The following ATG10 variants were observed in gnomAD, a reference collection of about 807,000 sequenced individuals.
The protein encoded by ATG10 is autophagy related 10.
A neutral mutation model predicts 32.1 loss-of-function variants in ATG10; 30 were observed. That is an observed-to-expected ratio of 0.94 (90% CI 0.70 to 1.27). ATG10 has a LOEUF of 1.27. ATG10 is among the 50% of genes most tolerant of loss of function. The pLI is 0.00. For synonymous variants in ATG10, 87 were observed against 91.5 expected (o/e 0.95, Z 0.28); for missense variants, 233 against 262.3 (o/e 0.89, Z 0.77).
At chr5:82,180,638 GA>G (rs1160080962) in intron 5 of ATG10, among the ~76,000 whole-genome samples, 2 of 152,116 alleles carry the variant, frequency 1.3e-5, no homozygotes, top group Non-Finnish European at 2.9e-5. Flanking sequence ...ACAAGACCCA[GA>G]AAATGTTTGG....
chr5:82,009,282 A>G (rs1318350807), intron 2 of ATG10, among the ~76,000 whole-genome samples: 1 of 152,158 alleles, frequency 6.6e-6, no homozygotes, highest in Admixed American at 6.5e-5. Context: ...CTTGCAGGCT[A>G]GGGAACCATT....
At chr5:82,197,551 T>C (rs1744908031) in intron 5 of ATG10, among the ~76,000 whole-genome samples, 1 of 152,080 alleles carries the variant, frequency 6.6e-6, no homozygotes, top group South Asian at 2.1e-4. Flanking sequence ...GAATATGACC[T>C]GTGCCTGTGT....
chr5:82,084,204 A>C (rs1764585037), intron 3 of ATG10, among the ~76,000 whole-genome samples: 1 of 152,236 alleles, frequency 6.6e-6, no homozygotes, highest in South Asian at 2.1e-4. Flanking sequence ...TCAGTAGCCA[A>C]TCTGATCAAG....
At position 82,197,459 on chromosome 5, in the gene ATG10, TCTACCTAC is replaced by T. The variant is rs10592620; in HGVS notation, c.453+18907_453+18914del. Among the ~76,000 whole-genome samples the T allele has an allele frequency of 4.0e-3, 595 of 148,692 alleles. 1 individual carries two copies. The highest frequency in any genetic ancestry group is 5.4e-3 in the South Asian group (25 of 4,608). ...ATCTATCTATCTATCTATCTGTCTA[TCTACCTAC>T]CTACCTACCTACCTACCTACCTACC... On this transcript the variant is annotated intron_variant, in intron 5 of 7. Coordinates refer to ENST00000282185, the MANE Select transcript of ATG10 (RefSeq NM_031482.5).
chr5:82,040,911 T>C (rs1181793383), intron 2 of ATG10, among the ~76,000 whole-genome samples: 1 of 152,220 alleles, frequency 6.6e-6, no homozygotes, highest in East Asian at 1.9e-4. Flanking sequence ...CACAGGACCT[T>C]TGCAAAGTTA....
intron 3 of ATG10, among the ~76,000 whole-genome samples, chr5:82,108,926 G>A (rs1013421356): frequency 6.6e-6 from 1 of 151,982 alleles, no homozygotes; most frequent in East Asian, 1.9e-4. Context: ...TGGCATGTCA[G>A]ATTTGAGATC....
chr5:81,973,319 G>C (rs1352741743), intron 1 of ATG10: 1 of 152,126 alleles, frequency 6.6e-6, no homozygotes, highest in Non-Finnish European at 1.5e-5. Flanking sequence ...TAGTAGAGAC[G>C]GGGTTTCACC....
chr5:82,106,886 T>C (rs1765459620), intron 3 of ATG10, among the ~76,000 whole-genome samples: 1 of 151,946 alleles, frequency 6.6e-6, no homozygotes, highest in Admixed American at 6.6e-5. Flanking sequence ...GTCAGTGTAC[T>C]GTGGTATCCG....
chr5:82,172,075 T>C (rs1743828861), intron 4 of ATG10, among the ~76,000 whole-genome samples: 1 of 152,148 alleles, frequency 6.6e-6, no homozygotes, highest in African/African-American at 2.4e-5. Context: ...TGGCTGGACA[T>C]GGGATTTGTC....
chr5:82,100,461 G>C (rs1444842031), intron 3 of ATG10, among the ~76,000 whole-genome samples: 2 of 152,114 alleles, frequency 1.3e-5, no homozygotes, highest in East Asian at 3.8e-4. Flanking sequence ...TGGGGAAGGT[G>C]GCTTCCTGAG....
intron 5 of ATG10, among the ~76,000 whole-genome samples, chr5:82,229,152 A>G (rs899588829): frequency 6.6e-6 from 1 of 152,156 alleles, no homozygotes; most frequent in Non-Finnish European, 1.5e-5. Flanking sequence ...GAAACGAGCT[A>G]TTTCTGAGTG....
chr5:82,016,398 G>A (rs555124279), intron 2 of ATG10, among the ~76,000 whole-genome samples: 3 of 152,192 alleles, frequency 2.0e-5, no homozygotes, highest in Admixed American at 1.3e-4. Context: ...CTAAGTATTT[G>A]GCTTTATTTC....
At chr5:82,042,477 C>A (rs182847591) in intron 2 of ATG10, among the ~76,000 whole-genome samples, 2 of 152,276 alleles carry the variant, frequency 1.3e-5, no homozygotes, top group African/African-American at 4.8e-5. Context: ...GTCCTTCTCA[C>A]ATTGCAAAAT....
chr5:82,077,764 C>T (rs966092057), intron 3 of ATG10, among the ~76,000 whole-genome samples: 3 of 152,140 alleles, frequency 2.0e-5, no homozygotes, highest in African/African-American at 7.2e-5. Flanking sequence ...GTCTGTGGCA[C>T]TTCGTTCTGA....
chr5:82,015,249 T>G (rs1183272257), intron 2 of ATG10, among the ~76,000 whole-genome samples: 1 of 152,236 alleles, frequency 6.6e-6, no homozygotes, highest in Non-Finnish European at 1.5e-5. Context: ...TCTGTCTGGC[T>G]GCCCTTAATA....
At position 82,256,038 on chromosome 5, in the gene ATG10, T is replaced by C. The variant is rs537150240; in HGVS notation, c.*1975T>C. 3 of 152,290 alleles carry C rather than the reference T, an allele frequency of 2.0e-5. No individual in the cohort carries two copies. In the South Asian group the frequency reaches 6.2e-4, roughly 32 times the overall value. The allele number at this position is 152,290 out of a possible 1,614,324, so 9.4% of individuals were successfully genotyped here. ...TGTTTTCAACTTCTGTGAGGGATTTTCCCCCCAATCTCCCTAATGTAAACA... is the reference window on the plus strand; with the variant it reads ...TGTTTTCAACTTCTGTGAGGGATTTCCCCCCCAATCTCCCTAATGTAAACA... On this transcript the variant is annotated 3_prime_UTR_variant, in exon 8 of 8. Coordinates refer to ENST00000282185, the MANE Select transcript of ATG10 (RefSeq NM_031482.5).
At chr5:82,004,325 C>G (rs1178449900) in intron 2 of ATG10, among the ~76,000 whole-genome samples, 1 of 152,020 alleles carries the variant, frequency 6.6e-6, no homozygotes, top group Non-Finnish European at 1.5e-5. Flanking sequence ...ATGGGGGAAC[C>G]AGATATGATA....
intron 1 of ATG10, among the ~76,000 whole-genome samples, chr5:81,978,067 A>G (rs956934058): frequency 6.6e-6 from 1 of 151,974 alleles, no homozygotes; most frequent in African/African-American, 2.4e-5. Context: ...AGCTTCTGAT[A>G]TTGTGTTGGT....
chr5:82,079,041 T>C (rs1219373594), intron 3 of ATG10, among the ~76,000 whole-genome samples: 1 of 152,200 alleles, frequency 6.6e-6, no homozygotes, highest in Non-Finnish European at 1.5e-5. Flanking sequence ...CTTTTCTGCT[T>C]TTATGTGTAC....
Sources: allele counts gnomAD v4.1 joint callset (sites outside exome capture counted in the v4.1 genomes callset), GRCh38; gene constraint gnomAD v4.1.1; transcripts MANE v1.5; gene names NCBI Gene and HGNC (gene_info 2026-07-23, HGNC 2026-07-21).